BRD3: variants seen among roughly 807,000 people sequenced by gnomAD.
BRD3 encodes bromodomain containing 3, also known as bromodomain-containing protein 3.
In BRD3, 17 loss-of-function variants were observed where a neutral mutation model predicts 66.8. That is an observed-to-expected ratio of 0.25 (90% confidence interval 0.17 to 0.38). The LOEUF (loss-of-function observed/expected upper bound fraction) is 0.38, where lower values mean the gene tolerates loss of function less well. BRD3 is among the 10% of genes least tolerant of loss of function. The pLI, the probability that BRD3 is intolerant of heterozygous loss-of-function variation, is 1.00. For missense variants in BRD3, 713 were observed against 956.1 expected, an observed-to-expected ratio of 0.75 and a Z score of 3.35; for synonymous variants, 421 against 393.2, an observed-to-expected ratio of 1.07 and a Z score of -0.84.
Position 134,045,761 on chromosome 9 carries a change from G to A in BRD3, c.1087-340C>T, listed in dbSNP as rs1830153391. Among the ~76,000 whole-genome samples the A allele has an allele frequency of 6.6e-6, 1 of 152,206 alleles. No homozygotes were observed. Among genetic ancestry groups the A allele is most frequent in the African/African-American group, 2.4e-5 (1 of 41,448 alleles). On this transcript the variant is annotated intron_variant, in intron 6 of 11. Transcript: ENST00000303407. The surrounding 1 kb of genome is among the most constrained non-coding windows in gnomAD (Gnocchi z 4.8). ...CCAGAGCTTCCCTTCACACAAAGCG[G>A]GTAAATCTTCACACGCCGCCACGCC... is the stretch of plus-strand genomic sequence containing the variant.
In BRD3 at chr9:134,030,890, C is replaced by G. The variant is rs570684833; in HGVS notation, c.*2700G>C. 1.3e-5 allele frequency: 3 copies of G among 232,090 alleles called. No individual in the cohort carries two copies. In the East Asian group the frequency reaches 1.8e-4, roughly 14 times the overall value. The allele number at this position is 232,090 out of a possible 1,614,324, so 14.4% of individuals were successfully genotyped here. A position where few individuals can be genotyped will look rare whatever the true frequency, so the allele number is the denominator to read the frequency against. ...TCCGACACACGACTTGTCACTACTCCTCTCCCCTTGAAAAAAGCATGTTAG... is the reference window on the plus strand; with the variant it reads ...TCCGACACACGACTTGTCACTACTCGTCTCCCCTTGAAAAAAGCATGTTAG... On this transcript the variant is annotated 3_prime_UTR_variant, in exon 12 of 12. Coordinates refer to ENST00000303407, the MANE Select transcript of BRD3 (RefSeq NM_007371.4).
rs559173990 is a variant in BRD3, at chr9:134,063,961, G to A, written c.-114+3984C>T. Among the ~76,000 whole-genome samples the A allele has an allele frequency of 7.9e-5, 12 of 152,240 alleles. No homozygotes were observed. In the South Asian group the frequency reaches 2.3e-3, roughly 29 times the overall value. On this transcript the variant is annotated intron_variant, in intron 1 of 11. Transcript: ENST00000303407. ...CGAACTCAGTACCTTGGGGGCCTGCGGCAAGGAGGGGGGCGGGGGCATGTT... is the reference window on the plus strand; with the variant it reads ...CGAACTCAGTACCTTGGGGGCCTGCAGCAAGGAGGGGGGCGGGGGCATGTT...
At chr9:134,047,887 C>T in intron 6 of BRD3, 196 bp downstream of exon 6, 2 of 673,998 alleles carry the variant, frequency 3.0e-6, no homozygotes, top group Middle Eastern at 4.2e-4. Context: ...CTCCGGGACC[C>T]ACAGGCAGAG....
intron 1 of BRD3, among the ~76,000 whole-genome samples, chr9:134,066,515 C>T (rs1830657663): frequency 6.6e-6 from 1 of 151,708 alleles, no homozygotes; most frequent in African/African-American, 2.4e-5. Context: ...TGCCATACAA[C>T]TTTGCATAGA....
intron 1 of BRD3, chr9:134,058,029 G>A (rs559028478): frequency 6.6e-6 from 1 of 152,498 alleles, no homozygotes; most frequent in African/African-American, 2.4e-5. Context: ...AGCGCCCGCG[G>A]TGTCGGCACA....
intron 1 of BRD3, chr9:134,054,190 T>TG (rs906901414): frequency 3.9e-5 from 6 of 152,270 alleles, no homozygotes; most frequent in Non-Finnish European, 7.3e-5. Flanking sequence ...GATGGCGGCG[T>TG]GGTTGTGACC....
rs886742679 is a variant in BRD3, at chr9:134,067,868, C to CCCCGGCCCAG, written c.-114+67_-114+76dup. On this transcript the variant is annotated intron_variant, in intron 1 of 11. Coordinates refer to ENST00000303407, the MANE Select transcript of BRD3 (RefSeq NM_007371.4). ...TGCGCGGGGCGCTCGGGGCCGCGCT[C>CCCCGGCCCAG]CCCGGCCCAGCCCGGCCCGCCGCCG... The CCCCGGCCCAG allele has an allele frequency of 9.7e-5, 14 of 144,482 alleles. No individual in the cohort carries two copies. The East Asian group carries it at 1.9e-3, about 19-fold the overall frequency. The allele number at this position is 144,482 out of a possible 1,614,324, so 9.0% of individuals were successfully genotyped here. A position where few individuals can be genotyped will look rare whatever the true frequency, so the allele number is the denominator to read the frequency against.
At chr9:134,063,650 C>T (rs891077971) in intron 1 of BRD3, among the ~76,000 whole-genome samples, 6 of 152,166 alleles carry the variant, frequency 3.9e-5, no homozygotes, top group African/African-American at 1.2e-4. Context: ...AGGCTAAGGC[C>T]GTCCCGCCCC....
intron 11 of BRD3, among the ~76,000 whole-genome samples, chr9:134,034,008 G>A (rs1015472724): frequency 3.3e-5 from 5 of 152,288 alleles, no homozygotes; most frequent in Non-Finnish European, 7.4e-5. Flanking sequence ...ACCAGCTGCT[G>A]GCGTTTCTGG....
chr9:134,033,650 G>C lies in BRD3; in HGVS notation c.2121C>G (p.Ser707=). ...TGGAGCTGCTGCTCCCAGACTCGGA[G>C]GAGCTGCTGCTGCTGAGCCTGGACG... ...GGPSRLSSSS[S]SESGSSSSSG... is the part of the protein sequence containing the mutation. Residue 707 remains serine, a synonymous_variant, in exon 12 of 12, where the codon TCC becomes TCG. Transcript: ENST00000303407. The surrounding 1 kb of genome is among the most constrained non-coding windows in gnomAD (Gnocchi z 5.1). The C allele has an allele frequency of 1.3e-6, 1 of 770,474 alleles. No individual in the cohort carries two copies. The highest frequency in any genetic ancestry group is 1.4e-5 in the South Asian group (1 of 72,922). The allele number at this position is 770,474 out of a possible 1,614,324, so 47.7% of individuals were successfully genotyped here. A position where few individuals can be genotyped will look rare whatever the true frequency, so the allele number is the denominator to read the frequency against.
At chr9:134,034,326 C>A (rs919041932) in intron 11 of BRD3, among the ~76,000 whole-genome samples, 1 of 152,234 alleles carries the variant, frequency 6.6e-6, no homozygotes, top group South Asian at 2.1e-4. Flanking sequence ...GCCTCTGCTA[C>A]CTCGGCCTGC....
At position 134,036,038 on chromosome 9, in the gene BRD3, G is replaced by A. The variant is rs775925057; in HGVS notation, c.1930C>T (p.Pro644Ser). The change falls in exon 10 of 12, where the codon CCG becomes TCG. Residue 644 changes from proline to serine, a missense_variant. By Grantham distance (74) the Pro-to-Ser change is moderately conservative. Around this residue, in one of 5 missense-constraint regions of BRD3, gnomAD observed 418 missense variants for 609.3 expected, o/e 0.69. Coordinates refer to ENST00000303407, the MANE Select transcript of BRD3 (RefSeq NM_007371.4). ...CTCCACGCAGGCAACTTACAGAACG[G>A]TTTCCTTTGCTTTTTCTGTAAACAA... ...KSCLQKKQRK[P>S]FSASGKKQAA... The A allele has an allele frequency of 6.2e-7, 1 of 1,600,934 alleles. No homozygotes were observed. Among genetic ancestry groups the A allele is most frequent in the Non-Finnish European group, 8.5e-7 (1 of 1,172,184 alleles).
At chr9:134,059,484 C>G (rs1321985283) in intron 1 of BRD3, among the ~76,000 whole-genome samples, 1 of 152,196 alleles carries the variant, frequency 6.6e-6, no homozygotes, top group African/African-American at 2.4e-5. Flanking sequence ...GCCTTAAAGT[C>G]TAGACACGAG....
At chr9:134,055,663 T>G (rs1342396260) in intron 1 of BRD3, 2 of 152,696 alleles carry the variant, frequency 1.3e-5, no homozygotes, top group African/African-American at 4.8e-5. Context: ...GCTGTGCTGC[T>G]GCTGCCTCCC....
intron 1 of BRD3, among the ~76,000 whole-genome samples, chr9:134,064,088 C>T (rs1830597075): frequency 6.6e-6 from 1 of 152,228 alleles, no homozygotes; most frequent in Admixed American, 6.5e-5. Context: ...GAGACGCAGA[C>T]AGCCAACAGC....
rs916162206 is a variant in BRD3, at chr9:134,051,706, T to C, written c.355A>G (p.Thr119Ala). 1 of 1,591,032 alleles carries C rather than the reference T, an allele frequency of 6.3e-7. No homozygotes were observed. The highest frequency in any genetic ancestry group is 1.8e-5 in the Admixed American group (1 of 54,270). The change falls in exon 4 of 12, where the codon ACA (threonine) becomes GCA (alanine). Residue 119 changes from threonine to alanine, a missense_variant. By Grantham distance (58) the Thr-to-Ala change is moderately conservative (BLOSUM62 0). This residue lies in a region of BRD3 where 85 missense variants were observed against 152.4 expected (regional missense o/e 0.56). Coordinates refer to ENST00000303407, the MANE Select transcript of BRD3 (RefSeq NM_007371.4). ...TGGGCCATTAGCACTATGTCATCTG[T>C]GGGCTGAAGACACAGAGAGTCCAGG... ...FTNCYIYNKPTDDIVLMAQAL... is the reference protein window; with the variant it reads ...FTNCYIYNKPADDIVLMAQAL...
Position 134,067,987 on chromosome 9 carries a change from G to A in BRD3, c.-156C>T, listed in dbSNP as rs1019975632. 1 of 145,234 alleles carries A rather than the reference G, an allele frequency of 6.9e-6. No homozygotes were observed. Among genetic ancestry groups the A allele is most frequent in the Non-Finnish European group, 1.5e-5 (1 of 65,240 alleles). The allele number at this position is 145,234 out of a possible 1,614,324, so 9.0% of individuals were successfully genotyped here. A position where few individuals can be genotyped will look rare whatever the true frequency, so the allele number is the denominator to read the frequency against. On this transcript the variant is annotated 5_prime_UTR_variant, in exon 1 of 12. Transcript: ENST00000303407. ...GCGGCCGTCCCCTCCCGGCCCGCGC[G>A]GCCGGCTCCTCTTTGGCTCGCCGGC...
chr9:134,037,819 A>G (rs1308014860), intron 9 of BRD3, among the ~76,000 whole-genome samples: 4 of 152,240 alleles, frequency 2.6e-5, no homozygotes. Flanking sequence ...TACCAATATC[A>G]GGAATGAAAA....
intron 1 of BRD3, among the ~76,000 whole-genome samples, chr9:134,067,339 G>A (rs1027790454): frequency 1.3e-5 from 2 of 151,468 alleles, no homozygotes; most frequent in East Asian, 3.9e-4. Flanking sequence ...GCCCAGGGCC[G>A]AGCCCGGCCT....
Sources: allele counts gnomAD v4.1 joint callset (sites outside exome capture counted in the v4.1 genomes callset), GRCh38; gene constraint gnomAD v4.1.1; regional missense constraint gnomAD v4.1.1; non-coding constraint Gnocchi (gnomAD v3.1); transcripts MANE v1.5; gene names NCBI Gene and HGNC (gene_info 2026-07-23, HGNC 2026-07-21).